The following MTUS1 variants were observed in gnomAD, a reference collection of about 807,000 sequenced individuals.
The protein encoded by MTUS1 is microtubule-associated tumor suppressor 1.
MTUS1 carries 109 observed loss-of-function variants against 120.8 expected under a neutral mutation model. The observed-to-expected ratio is 0.90, with a 90% CI of 0.77 to 1.06. The LOEUF (loss-of-function observed/expected upper bound fraction) is 1.06. Ranked by LOEUF, MTUS1 falls within the 50% of genes least tolerant of loss-of-function variation. The pLI is 0.00. For synonymous variants in MTUS1, 737 were observed against 550.5 expected (o/e 1.34, Z -4.74); for missense variants, 2,210 against 1,486.3 (o/e 1.49, Z -8.01).
At position 17,755,334 on chromosome 8, in the gene MTUS1, G is replaced by A. The variant is rs757862341; in HGVS notation, c.474C>T (p.Asn158=). 4 of 1,614,140 alleles carry A rather than the reference G, an allele frequency of 2.5e-6. No individual in the cohort carries two copies. Among genetic ancestry groups the A allele is most frequent in the Non-Finnish European group, 3.4e-6 (4 of 1,180,018 alleles). ...CAGYCDALEL[N]QTFDMTVDKV... ...TATCCACTGTCATGTCAAATGTTTG[G>A]TTTAGCTCCAAGGCATCACAGTAGC... The change falls in exon 2 of 15, where the codon AAC becomes AAT. Residue 158 remains asparagine, a synonymous_variant. Coordinates refer to ENST00000693296, the MANE Select transcript of MTUS1 (RefSeq NM_001363059.2).
At chr8:17,680,876 C>T (rs920999754) in intron 7 of MTUS1, among the ~76,000 whole-genome samples, 5 of 152,100 alleles carry the variant, frequency 3.3e-5, no homozygotes, top group South Asian at 2.1e-4. Flanking sequence ...AATTGACTCC[C>T]GGGCCTTCGT....
At chr8:17,792,726 C>T (rs1214257018) in intron 1 of MTUS1, among the ~76,000 whole-genome samples, 1 of 152,142 alleles carries the variant, frequency 6.6e-6, no homozygotes, top group African/African-American at 2.4e-5. Flanking sequence ...TATCCAGGCG[C>T]GGTGGCGCAT....
In MTUS1 at chr8:17,755,450, T is replaced by G; in HGVS notation, c.358A>C (p.Ser120Arg). The change falls in exon 2 of 15, where the codon AGT becomes CGT. Residue 120 changes from serine (S) to arginine (R), a missense_variant. Physicochemically the swap from Ser to Arg is moderately radical, Grantham distance 110. Transcript: ENST00000693296. ...GTEKPKYLQH[S>R]CHSLEAVEGQ... ...TCAACTGCTTCTAGGGAATGACAAC[T>G]GTGTTGCAGATATTTGGGCTTCTCA... 1 of 1,614,214 alleles carries G rather than the reference T, an allele frequency of 6.2e-7. No individual in the cohort carries two copies. Among genetic ancestry groups the G allele is most frequent in the Admixed American group, 1.7e-5 (1 of 60,030 alleles).
chr8:17,646,718 C>T (rs907879399), intron 14 of MTUS1, among the ~76,000 whole-genome samples: 4 of 152,152 alleles, frequency 2.6e-5, no homozygotes, highest in African/African-American at 9.7e-5. Flanking sequence ...TTTTGTGTTG[C>T]TCTTTGTCTG....
intron 3 of MTUS1, among the ~76,000 whole-genome samples, chr8:17,738,629 A>G (rs866550463): frequency 1.3e-4 from 20 of 152,192 alleles, no homozygotes; most frequent in African/African-American, 4.8e-4. Context: ...ATAGGTAAAC[A>G]TGGGCCATGG....
intron 1 of MTUS1, among the ~76,000 whole-genome samples, chr8:17,773,819 A>G (rs982322090): frequency 6.6e-6 from 1 of 152,106 alleles, no homozygotes; most frequent in Non-Finnish European, 1.5e-5. Context: ...AACTCTTGAC[A>G]TGTCCCTCAT....
intron 2 of MTUS1, among the ~76,000 whole-genome samples, chr8:17,744,184 G>C (rs1430860791): frequency 6.6e-6 from 1 of 152,158 alleles, no homozygotes; most frequent in African/African-American, 2.4e-5. Context: ...GTCTCTTGTA[G>C]GGGCAAATTT....
intron 1 of MTUS1, among the ~76,000 whole-genome samples, chr8:17,794,233 C>T (rs2052033233): frequency 6.6e-6 from 1 of 151,918 alleles, no homozygotes; most frequent in Non-Finnish European, 1.5e-5. Context: ...AAAGCTGAGG[C>T]AGGAGAATCG....
At chr8:17,799,042 G>C (rs2052476756) in intron 1 of MTUS1, among the ~76,000 whole-genome samples, 1 of 150,882 alleles carries the variant, frequency 6.6e-6, no homozygotes, top group African/African-American at 2.4e-5. Context: ...CTTTAAGGAT[G>C]ATTCTACATG....
At chr8:17,751,904 AAG>A (rs1393442207) in intron 2 of MTUS1, among the ~76,000 whole-genome samples, 1 of 151,780 alleles carries the variant, frequency 6.6e-6, no homozygotes, top group Non-Finnish European at 1.5e-5. Flanking sequence ...AAAAAGAAAA[AAG>A]AGTCCCTTAT....
rs537278189 is a variant in MTUS1 at position 17,753,583 on chromosome 8, G to C, written c.2091+134C>G. 4 of 617,552 alleles carry C rather than the reference G, an allele frequency of 6.5e-6. No individual in the cohort carries two copies. The African/African-American group carries it at 7.4e-5, about 11-fold the overall frequency. 38.3% of individuals were successfully genotyped at this position (617,552 alleles called of 1,614,324 possible). ...AACACCCCAGTACTGACAAGACAATGAATTAACAACTAAATGTAAATCTGC... is the reference window on the plus strand; with the variant it reads ...AACACCCCAGTACTGACAAGACAATCAATTAACAACTAAATGTAAATCTGC... On this transcript the variant is annotated intron_variant, in intron 2 of 14. Transcript: ENST00000693296.
rs147266888 is a variant in MTUS1 at position 17,661,210 on chromosome 8, T to C, written c.2906-5145A>G. Among the ~76,000 whole-genome samples the C allele has an allele frequency of 4.7e-4, 72 of 152,326 alleles. No individual in the cohort carries two copies. The East Asian group carries it at 0.012, about 26-fold the overall frequency. ...GTGAATCTCGTATTAGAACTTTCTATGAAAACCTACAACAGAAACATACTT... is the reference window on the plus strand; with the variant it reads ...GTGAATCTCGTATTAGAACTTTCTACGAAAACCTACAACAGAAACATACTT... On this transcript the variant is annotated intron_variant, in intron 8 of 14. Transcript: ENST00000693296.
intron 2 of MTUS1, among the ~76,000 whole-genome samples, chr8:17,747,220 G>A (rs2047828376): frequency 6.8e-6 from 1 of 146,406 alleles, no homozygotes; most frequent in South Asian, 2.3e-4. Context: ...CATTCTCCCA[G>A]CTCCCACCAC....
chr8:17,647,263 C>T (rs1370237775), intron 13 of MTUS1, 184 bp from the exon 14 acceptor site: 2 of 537,020 alleles, frequency 3.7e-6, no homozygotes, highest in Non-Finnish European at 6.5e-6. Context: ...AACAGAGCGG[C>T]TGGGTATTTT....
At chr8:17,681,067 G>A (rs988578729) in intron 7 of MTUS1, among the ~76,000 whole-genome samples, 3 of 152,086 alleles carry the variant, frequency 2.0e-5, no homozygotes, top group Non-Finnish European at 4.4e-5. Context: ...CCGAGTAGCT[G>A]GGACTACAGG....
rs2048377001 is a variant in MTUS1 at position 17,753,887 on chromosome 8, G to A, written c.1921C>T (p.Leu641Phe). 1 of 1,614,008 alleles carries A rather than the reference G, an allele frequency of 6.2e-7. No homozygotes were observed. The highest frequency in any genetic ancestry group is 1.3e-5 in the African/African-American group (1 of 74,884). ...TCTGCACTTTCCATTTTAACAGGGAGTATGCCTTTGATCTTCTGAAACAAC... is the reference window on the plus strand; with the variant it reads ...TCTGCACTTTCCATTTTAACAGGGAATATGCCTTTGATCTTCTGAAACAAC... ...SALFQKIKGI[L>F]PVKMESAECL... Residue 641 changes from leucine to phenylalanine, a missense_variant, in exon 2 of 15, where the codon CTC becomes TTC. Leu to Phe is a conservative substitution (Grantham distance 22). Coordinates refer to ENST00000693296, the MANE Select transcript of MTUS1 (RefSeq NM_001363059.2).
chr8:17,795,953 T>C (rs2052191087), intron 1 of MTUS1, among the ~76,000 whole-genome samples: 1 of 148,846 alleles, frequency 6.7e-6, no homozygotes, highest in Admixed American at 6.7e-5. Flanking sequence ...ATTCTTTTTT[T>C]CTGTTTTTCT....
intron 6 of MTUS1, among the ~76,000 whole-genome samples, chr8:17,698,928 G>C (rs1043814841): frequency 6.6e-6 from 1 of 152,146 alleles, no homozygotes; most frequent in African/African-American, 2.4e-5. Flanking sequence ...CTGCTTCTAG[G>C]TGTTGCCTTT....
In MTUS1 at chr8:17,754,895, A is replaced by G; in HGVS notation, c.913T>C (p.Ser305Pro). 1 of 1,614,198 alleles carries G rather than the reference A, an allele frequency of 6.2e-7. No individual in the cohort carries two copies. Among genetic ancestry groups the G allele is most frequent in the Non-Finnish European group, 8.5e-7 (1 of 1,180,044 alleles). ...AAACAAAAGAACTCTTGTAATGCAGAATCATTGGGGACTTCCATGCCATCA... is the reference window on the plus strand; with the variant it reads ...AAACAAAAGAACTCTTGTAATGCAGGATCATTGGGGACTTCCATGCCATCA... The part of the protein sequence containing the change: ...VSDGMEVPND[S>P]ALQEFFCLSH... Residue 305 changes from serine (S) to proline (P), a missense_variant, in exon 2 of 15, where the codon TCT (serine) becomes CCT (proline). Ser to Pro is a moderately conservative substitution (Grantham distance 74). Coordinates refer to ENST00000693296, the MANE Select transcript of MTUS1 (RefSeq NM_001363059.2).
Sources: gnomAD v4.1 joint callset for allele counts (sites outside exome capture counted in the v4.1 genomes callset) on GRCh38, gnomAD v4.1.1 for gene constraint, MANE v1.5 for transcripts, NCBI Gene and HGNC (gene_info 2026-07-23, HGNC 2026-07-21) for gene names.